ENTPD3: variants seen among roughly 807,000 people sequenced by gnomAD.
ENTPD3 encodes the protein ectonucleoside triphosphate diphosphohydrolase 3.
Under a neutral mutation model 51.2 loss-of-function variants are expected in ENTPD3, and 60 were observed. That is an observed-to-expected ratio of 1.17 (90% CI 0.95 to 1.45). The LOEUF (loss-of-function observed/expected upper bound fraction) is 1.45, where lower values mean the gene tolerates loss of function less well. Ranked by LOEUF, ENTPD3 falls within the 40% of genes most tolerant of loss-of-function variation. The pLI, the probability that ENTPD3 is intolerant of heterozygous loss-of-function variation, is 0.00. For missense variants in ENTPD3, 593 were observed against 641.1 expected (o/e 0.93, Z 0.81); for synonymous variants, 221 against 238.4 (o/e 0.93, Z 0.67).
chr3:40,416,183 A>C, intron 7 of ENTPD3, 110 bp downstream of exon 7: 1 of 748,256 alleles, frequency 1.3e-6, no homozygotes, highest in Non-Finnish European at 2.2e-6. Flanking sequence ...TGAAAGGTAG[A>C]TGGAAATAAC....
At chr3:40,391,774 T>C (rs145160564) in intron 2 of ENTPD3, 5 of 534,086 alleles carry the variant, frequency 9.4e-6, no homozygotes, top group African/African-American at 3.9e-5. Context: ...AGACCATGCA[T>C]ACCCTCCCTG....
At chr3:40,389,483 C>T (rs1343254579) in intron 2 of ENTPD3, among the ~76,000 whole-genome samples, 1 of 152,168 alleles carries the variant, frequency 6.6e-6, no homozygotes, top group Non-Finnish European at 1.5e-5. Flanking sequence ...ACATGTGGAG[C>T]TAGTTCTGTG....
intron 7 of ENTPD3, 91 bp downstream of exon 7, chr3:40,416,164 C>A: frequency 2.3e-6 from 2 of 855,030 alleles, no homozygotes; most frequent in Non-Finnish European, 3.8e-6. Flanking sequence ...CTGTCCTCTC[C>A]ACTTCAATTG....
In ENTPD3 at chr3:40,392,081, T is replaced by C. The variant is rs141360648; in HGVS notation, c.99T>C (p.Ser33=). ...TTGCCTTGGTGGTCTTGCTTGTGAG[T>C]ATTGTGGTACTTGTGAGTATCACTG... ...TIIALVVLLV[S]IVVLVSITVI... The change falls in exon 3 of 11, where the codon AGT becomes AGC. Residue 33 remains serine (S), a synonymous_variant. Coordinates refer to ENST00000301825, the MANE Select transcript of ENTPD3 (RefSeq NM_001248.4). The C allele has an allele frequency of 3.7e-6, 6 of 1,614,014 alleles. No homozygotes were observed. The African/African-American group carries it at 4.0e-5, about 11-fold the overall frequency.
At chr3:40,421,699 G>C (rs1955875858) in intron 7 of ENTPD3, among the ~76,000 whole-genome samples, 1 of 152,148 alleles carries the variant, frequency 6.6e-6, no homozygotes, top group Non-Finnish European at 1.5e-5. Context: ...ATAGGCCACT[G>C]TATAAGTACA....
chr3:40,406,032 G>A (rs1389037886), intron 4 of ENTPD3, among the ~76,000 whole-genome samples: 1 of 152,132 alleles, frequency 6.6e-6, no homozygotes, highest in Non-Finnish European at 1.5e-5. Context: ...GCATTCCAAT[G>A]AGGAAGATAG....
intron 7 of ENTPD3, among the ~76,000 whole-genome samples, chr3:40,418,287 C>T (rs991760329): frequency 6.6e-6 from 1 of 152,172 alleles, no homozygotes; most frequent in African/African-American, 2.4e-5. Flanking sequence ...GGATTACTGA[C>T]AAATTCATGT....
At chr3:40,399,763 G>C (rs1427554470) in intron 3 of ENTPD3, 4 of 152,206 alleles carry the variant, frequency 2.6e-5, no homozygotes, top group African/African-American at 7.2e-5. Flanking sequence ...AAACTTTCTA[G>C]TGCCTGCTCA....
At chr3:40,387,774 T>C (rs1401395972) in intron 1 of ENTPD3, among the ~76,000 whole-genome samples, 1 of 152,122 alleles carries the variant, frequency 6.6e-6, no homozygotes, top group Non-Finnish European at 1.5e-5. Flanking sequence ...GGTGGAACAA[T>C]CTGCAGAAAA....
At chr3:40,408,987 G>A (rs1955566060) in intron 4 of ENTPD3, among the ~76,000 whole-genome samples, 1 of 152,084 alleles carries the variant, frequency 6.6e-6, no homozygotes, top group Non-Finnish European at 1.5e-5. Context: ...GCTGGGTGCA[G>A]TGGCTCACTC....
intron 7 of ENTPD3, among the ~76,000 whole-genome samples, chr3:40,421,320 AG>A: frequency 6.6e-6 from 1 of 152,292 alleles, no homozygotes. Flanking sequence ...CATCACACCC[AG>A]CCAAAAGAAA....
At chr3:40,426,695 T>C (rs1466710584) in intron 10 of ENTPD3, among the ~76,000 whole-genome samples, 2 of 152,288 alleles carry the variant, frequency 1.3e-5, no homozygotes, top group Non-Finnish European at 2.9e-5. Context: ...GGTATAACTA[T>C]TTAGTATCTG....
chr3:40,398,711 C>G (rs982896047), intron 3 of ENTPD3, among the ~76,000 whole-genome samples: 7 of 152,112 alleles, frequency 4.6e-5, no homozygotes, highest in Admixed American at 4.6e-4. Flanking sequence ...GATTCAGGAG[C>G]TGGAGCAACT....
At chr3:40,396,736 C>T (rs1344739086) in intron 3 of ENTPD3, among the ~76,000 whole-genome samples, 1 of 152,136 alleles carries the variant, frequency 6.6e-6, no homozygotes, top group East Asian at 1.9e-4. Flanking sequence ...GAGGCTTCAC[C>T]CTCCCTACCC....
intron 2 of ENTPD3, among the ~76,000 whole-genome samples, chr3:40,390,320 CCTGAGTAG>C (rs1039806298): frequency 6.6e-6 from 1 of 152,148 alleles, no homozygotes; most frequent in African/African-American, 2.4e-5. Flanking sequence ...ACTTCAACCT[CCTGAGTAG>C]CTTGGGCTAC....
intron 7 of ENTPD3, among the ~76,000 whole-genome samples, chr3:40,417,795 GCTC>G (rs1186927528): frequency 1.3e-5 from 2 of 152,166 alleles, no homozygotes; most frequent in Non-Finnish European, 2.9e-5. Context: ...CTTTTCTCCA[GCTC>G]CTTTTACCTC....
chr3:40,408,068 T>C (rs552835439), intron 4 of ENTPD3, among the ~76,000 whole-genome samples: 13 of 152,172 alleles, frequency 8.5e-5, no homozygotes, highest in Middle Eastern at 3.4e-3. Context: ...AGAGACCTAC[T>C]CCATTAAAAT....
At chr3:40,394,358 G>T in intron 3 of ENTPD3, 1 of 308,160 alleles carries the variant, frequency 3.2e-6, no homozygotes, top group Non-Finnish European at 6.7e-6. Context: ...CTGACCTCAG[G>T]TGATCCACCC....
intron 5 of ENTPD3, 106 bp downstream of exon 5, chr3:40,412,068 CA>C: frequency 1.8e-6 from 2 of 1,118,966 alleles, no homozygotes; most frequent in Non-Finnish European, 1.2e-6. Context: ...CCTCGCCCCC[CA>C]AAAAGAAGCC....
Sources: gnomAD v4.1 joint callset for allele counts (sites outside exome capture counted in the v4.1 genomes callset) on GRCh38, gnomAD v4.1.1 for gene constraint, MANE v1.5 for transcripts, NCBI Gene and HGNC (gene_info 2026-07-23, HGNC 2026-07-21) for gene names.